Variants in CNTNAP5 observed in about 807,000 individuals in gnomAD.
The protein encoded by CNTNAP5 is contactin associated protein family member 5, also known as contactin-associated protein-like 5.
Under a neutral mutation model 150.2 loss-of-function variants are expected in CNTNAP5, and 72 were observed. The observed-to-expected ratio is 0.48, with a 90% CI of 0.40 to 0.58. CNTNAP5 has a LOEUF of 0.58. Among genes scored for constraint, CNTNAP5 ranks in the 20% least tolerant of loss-of-function variants. The pLI is 0.00. For synonymous variants in CNTNAP5, 672 were observed against 619.8 expected, an observed-to-expected ratio of 1.08 and a Z score of -1.25; for missense variants, 1,636 against 1,626.2, an observed-to-expected ratio of 1.01 and a Z score of -0.10.
intron 16 of CNTNAP5, among the ~76,000 whole-genome samples, chr2:124,771,491 G>C (rs1189909503): frequency 1.3e-5 from 2 of 152,094 alleles, no homozygotes; most frequent in African/African-American, 4.8e-5. Flanking sequence ...TTATATTTCT[G>C]TGCACTTTAG....
rs574325264 is a variant in CNTNAP5 at position 124,248,426 on chromosome 2, A to G, written c.381+6033A>G. Among the ~76,000 whole-genome samples, 197 of 152,324 alleles carry G rather than the reference A, an allele frequency of 1.3e-3. 2 individuals are homozygous for G. Among genetic ancestry groups the G allele is most frequent in the South Asian group, 7.2e-3 (35 of 4,828 alleles). ...CAAAGCTCATCATTCAACTTGAATAATCCCAGTGGTTCTGTCCTAAGCTCT... is the reference window on the plus strand; with the variant it reads ...CAAAGCTCATCATTCAACTTGAATAGTCCCAGTGGTTCTGTCCTAAGCTCT... On this transcript the variant is annotated intron_variant, in intron 3 of 23. Transcript: ENST00000682447.
intron 3 of CNTNAP5, among the ~76,000 whole-genome samples, chr2:124,302,725 C>T (rs1458379566): frequency 6.6e-6 from 1 of 152,168 alleles, no homozygotes; most frequent in Non-Finnish European, 1.5e-5. Flanking sequence ...GAGATACCAG[C>T]AAGCCACAGT....
intron 21 of CNTNAP5, among the ~76,000 whole-genome samples, chr2:124,879,380 G>A (rs1239068272): frequency 6.6e-6 from 1 of 152,150 alleles, no homozygotes; most frequent in Non-Finnish European, 1.5e-5. Flanking sequence ...TTACCTGAAA[G>A]GTTATCACAC....
intron 1 of CNTNAP5, among the ~76,000 whole-genome samples, chr2:124,166,966 C>CT (rs1199912476): frequency 1.3e-5 from 2 of 152,214 alleles, no homozygotes; most frequent in Middle Eastern, 3.4e-3. Flanking sequence ...CACCCCTTCC[C>CT]TTTTTTTCTT....
intron 3 of CNTNAP5, among the ~76,000 whole-genome samples, chr2:124,320,900 C>T (rs113078368): frequency 2.0e-5 from 3 of 151,922 alleles, no homozygotes; most frequent in East Asian, 1.9e-4. Flanking sequence ...TTTAGGAATG[C>T]GTCACAATGG....
At chr2:124,053,654 T>C (rs1681769548) in intron 1 of CNTNAP5, among the ~76,000 whole-genome samples, 1 of 152,238 alleles carries the variant, frequency 6.6e-6, no homozygotes, top group Non-Finnish European at 1.5e-5. Flanking sequence ...ATGGTTTACA[T>C]AAACACCTAG....
At chr2:124,078,907 G>A (rs1393948747) in intron 1 of CNTNAP5, among the ~76,000 whole-genome samples, 2 of 152,194 alleles carry the variant, frequency 1.3e-5, no homozygotes, top group African/African-American at 4.8e-5. Flanking sequence ...GTGAAAGGTA[G>A]AGAGGAATCT....
chr2:124,184,327 T>A (rs57578864), intron 1 of CNTNAP5, among the ~76,000 whole-genome samples: 3 of 152,028 alleles, frequency 2.0e-5, no homozygotes, highest in Non-Finnish European at 2.9e-5. Flanking sequence ...GGCGGAGCTT[T>A]GCATGGAGAA....
intron 21 of CNTNAP5, among the ~76,000 whole-genome samples, chr2:124,872,460 C>T (rs1677771953): frequency 6.7e-6 from 1 of 148,362 alleles, no homozygotes; most frequent in Admixed American, 6.8e-5. Context: ...TAATTTGTGA[C>T]AACTCTAAGG....
At chr2:124,780,674 T>C (rs1681431402) in intron 17 of CNTNAP5, among the ~76,000 whole-genome samples, 1 of 152,242 alleles carries the variant, frequency 6.6e-6, no homozygotes, top group African/African-American at 2.4e-5. Context: ...TTTTTTTGGG[T>C]TGTTTGTCCA....
intron 1 of CNTNAP5, among the ~76,000 whole-genome samples, chr2:124,216,232 A>G (rs1170602): frequency 0.78 from 119,276 of 151,968 alleles, 47,044 homozygotes; most frequent in East Asian, 1. Context: ...GGAGCTAGTG[A>G]TGGCCTTTAC....
chr2:124,608,726 C>A (rs1346177142), intron 11 of CNTNAP5, among the ~76,000 whole-genome samples: 1 of 152,050 alleles, frequency 6.6e-6, no homozygotes, highest in African/African-American at 2.4e-5. Context: ...GTGGGTGGAT[C>A]ACGAGGTCAG....
Position 124,865,321 on chromosome 2 carries a change from G to T in CNTNAP5, c.3233G>T (p.Arg1078Leu), listed in dbSNP as rs769059435. ...LLCKNGSLQVRYHLNKEETHV... is the reference protein window; with the variant it reads ...LLCKNGSLQVLYHLNKEETHV... Reference sequence around the variant, plus strand: ...TTCTTTCAAGGAAGCTTACAGGTTCGCTATCACCTAAACAAGGAAGAAACC... The same window carrying T: ...TTCTTTCAAGGAAGCTTACAGGTTCTCTATCACCTAAACAAGGAAGAAACC... Residue 1078 changes from arginine to leucine, a missense_variant, in exon 20 of 24, where the codon CGC becomes CTC. Physicochemically the swap from Arg to Leu is moderately radical, Grantham distance 102. Transcript: ENST00000682447. 1.3e-6 allele frequency: 2 copies of T among 1,562,650 alleles called. No homozygotes were observed. Among genetic ancestry groups the T allele is most frequent in the Non-Finnish European group, 1.7e-6 (2 of 1,152,042 alleles).
At chr2:124,369,564 CCTTTT>C (rs1484767536) in intron 3 of CNTNAP5, among the ~76,000 whole-genome samples, 1 of 152,010 alleles carries the variant, frequency 6.6e-6, no homozygotes, top group East Asian at 1.9e-4. Flanking sequence ...GGGTTGAAAA[CCTTTT>C]CTTTCCTTTT....
intron 3 of CNTNAP5, among the ~76,000 whole-genome samples, chr2:124,357,257 G>A (rs1226523720): frequency 2.0e-5 from 3 of 152,108 alleles, no homozygotes; most frequent in Non-Finnish European, 2.9e-5. Context: ...TTTTTAGGTT[G>A]CCTGTTCACT....
intron 6 of CNTNAP5, among the ~76,000 whole-genome samples, chr2:124,463,354 T>C (rs1693297960): frequency 6.6e-6 from 1 of 152,106 alleles, no homozygotes; most frequent in Non-Finnish European, 1.5e-5. Context: ...AATACCTATT[T>C]AGAGAAAGGA....
intron 11 of CNTNAP5, among the ~76,000 whole-genome samples, chr2:124,601,030 T>G (rs1209271702): frequency 6.6e-6 from 1 of 152,156 alleles, no homozygotes; most frequent in Non-Finnish European, 1.5e-5. Context: ...TCTACATCTG[T>G]GTAAGAAGTA....
intron 3 of CNTNAP5, among the ~76,000 whole-genome samples, chr2:124,313,337 A>T (rs544751875): frequency 1.3e-5 from 2 of 152,308 alleles, no homozygotes; most frequent in South Asian, 4.1e-4. Flanking sequence ...GTAACAGAAA[A>T]GGCAAAACTT....
In CNTNAP5 at chr2:124,125,068, A is replaced by G. The variant is rs541072316; in HGVS notation, c.83-96637A>G. On this transcript the variant is annotated intron_variant, in intron 1 of 23. Transcript: ENST00000682447. ...ATCAAATTCACACATAACAATATTAACCTTACATGTAAATGGGCTAAATGC... is the reference window on the plus strand; with the variant it reads ...ATCAAATTCACACATAACAATATTAGCCTTACATGTAAATGGGCTAAATGC... Among the ~76,000 whole-genome samples, 159 of 152,300 alleles carry G rather than the reference A, an allele frequency of 1.0e-3. 1 individual carries two copies. The highest frequency in any genetic ancestry group is 3.5e-3 in the African/African-American group (146 of 41,566).
Sources: gnomAD v4.1 joint callset for allele counts (sites outside exome capture counted in the v4.1 genomes callset) on GRCh38, gnomAD v4.1.1 for gene constraint, MANE v1.5 for transcripts, NCBI Gene and HGNC (gene_info 2026-07-23, HGNC 2026-07-21) for gene names.